Variants in MDM4 observed in about 807,000 individuals in gnomAD.
MDM4 encodes the protein MDM4 regulator of p53.
Under a neutral mutation model 60.2 loss-of-function variants are expected in MDM4, and 2 were observed. The ratio of observed to expected loss-of-function variants is 0.03; its 90% CI spans 0.01 to 0.10. The LOEUF (loss-of-function observed/expected upper bound fraction) is 0.10, where lower values mean the gene tolerates loss of function less well. MDM4 is among the 10% of genes least tolerant of loss of function. The pLI, the probability that MDM4 is intolerant of heterozygous loss-of-function variation, is 1.00. For synonymous variants in MDM4, 202 were observed against 198.1 expected, an observed-to-expected ratio of 1.02 and a Z score of -0.17; for missense variants, 447 against 577.5, an observed-to-expected ratio of 0.77 and a Z score of 2.32.
At chr1:204,532,395 A>T in intron 5 of MDM4, 149 bp downstream of exon 5, 1 of 610,994 alleles carries the variant, frequency 1.6e-6, no homozygotes, top group South Asian at 2.1e-5. Context: ...ACAGAATGTT[A>T]TGTTATTAAC....
At chr1:204,536,334 C>G (rs1213556632) in intron 5 of MDM4, among the ~76,000 whole-genome samples, 1 of 152,226 alleles carries the variant, frequency 6.6e-6, no homozygotes, top group Admixed American at 6.5e-5. Flanking sequence ...AAAATGCTGT[C>G]TCTCAAACTT....
chr1:204,549,674 A>G lies in MDM4; in HGVS notation c.1465A>G (p.Ile489Val). Residue 489 changes from isoleucine (I) to valine (V), a missense_variant, in exon 11 of 11, where the codon ATA becomes GTA. Coordinates refer to ENST00000367182, the MANE Select transcript of MDM4 (RefSeq NM_002393.5). ...GATTCAGCTGGTTATTAAGGTTTTTATAGCATAATGGTAGTACGAACATAA... is the reference window on the plus strand; with the variant it reads ...GATTCAGCTGGTTATTAAGGTTTTTGTAGCATAATGGTAGTACGAACATAA... Reference protein sequence around the residue: ...KEIQLVIKVFIA With the variant: ...KEIQLVIKVFVA 3.9e-6 allele frequency: 6 copies of G among 1,537,804 alleles called. No individual in the cohort carries two copies. The highest frequency in any genetic ancestry group is 4.4e-6 in the Non-Finnish European group (5 of 1,140,010).
At chr1:204,549,058 T>C in intron 10 of MDM4, 55 bp from the exon 11 acceptor site, 1 of 1,106,800 alleles carries the variant, frequency 9.0e-7, no homozygotes, top group South Asian at 1.5e-5. Flanking sequence ...CCTTTCCTTT[T>C]TCTCAGCATC....
intron 8 of MDM4, among the ~76,000 whole-genome samples, chr1:204,543,264 G>A (rs1418292498): frequency 6.6e-6 from 1 of 152,194 alleles, no homozygotes; most frequent in Non-Finnish European, 1.5e-5. Context: ...CTATAACACT[G>A]GGAGGCCGAG....
chr1:204,520,086 G>C (rs952425934), intron 1 of MDM4, among the ~76,000 whole-genome samples: 1 of 152,010 alleles, frequency 6.6e-6, no homozygotes, highest in Non-Finnish European at 1.5e-5. Context: ...GACCATCCTG[G>C]CTAACATGGT....
chr1:204,549,033 G>A (rs1662947530), intron 10 of MDM4, 80 bp from the exon 11 acceptor site: 2 of 859,468 alleles, frequency 2.3e-6, no homozygotes, highest in Non-Finnish European at 3.8e-6. Context: ...GAGAGGATGT[G>A]AATGAATTTG....
At chr1:204,522,820 A>G (rs971588594) in intron 1 of MDM4, among the ~76,000 whole-genome samples, 2 of 151,614 alleles carry the variant, frequency 1.3e-5, no homozygotes, top group African/African-American at 4.9e-5. Flanking sequence ...TTTCAGAAGC[A>G]TGAGGGATCT....
chr1:204,527,668 C>T (rs577360420), intron 3 of MDM4, among the ~76,000 whole-genome samples: 2 of 136,506 alleles, frequency 1.5e-5, no homozygotes, highest in South Asian at 2.5e-4. Context: ...AAGTGTCAGA[C>T]ACTCTTCTGA....
intron 6 of MDM4, 98 bp downstream of exon 6, chr1:204,537,595 A>T: frequency 1.2e-6 from 1 of 847,904 alleles, no homozygotes; most frequent in Non-Finnish European, 2.0e-6. Flanking sequence ...TGAATGTGGT[A>T]AGAATTTAAT....
At chr1:204,545,841 A>G (rs543405855) in intron 9 of MDM4, among the ~76,000 whole-genome samples, 9 of 152,234 alleles carry the variant, frequency 5.9e-5, no homozygotes, top group African/African-American at 1.9e-4. Flanking sequence ...AAACGTCTAT[A>G]GAGAGAGATG....
chr1:204,523,285 T>C (rs1659756978), intron 1 of MDM4, among the ~76,000 whole-genome samples: 2 of 145,208 alleles, frequency 1.4e-5, no homozygotes, highest in Non-Finnish European at 3.0e-5. Flanking sequence ...CTGGCTAACA[T>C]GGTGAAACCC....
intron 1 of MDM4, among the ~76,000 whole-genome samples, chr1:204,519,997 G>T (rs1255663683): frequency 6.6e-6 from 1 of 152,128 alleles, no homozygotes; most frequent in Non-Finnish European, 1.5e-5. Context: ...ACCATTTTAG[G>T]CTGGGCGCGG....
In MDM4 at chr1:204,555,586, T is replaced by C. The variant is rs191235501; in HGVS notation, c.*5904T>C. 54 of 170,578 alleles carry C rather than the reference T, an allele frequency of 3.2e-4. No homozygotes were observed. Among genetic ancestry groups the C allele is most frequent in the Middle Eastern group, 2.4e-3 (1 of 412 alleles). 10.6% of individuals were successfully genotyped at this position (170,578 alleles called of 1,614,324 possible). On this transcript the variant is annotated 3_prime_UTR_variant, in exon 11 of 11. Coordinates refer to ENST00000367182, the MANE Select transcript of MDM4 (RefSeq NM_002393.5). ...GCTTTATCGAAGATTGATATTAGGC[T>C]AGGGGCGGTGGCTTACGCCTGTAAT...
Position 204,532,532 on chromosome 1 carries a change from C to G in MDM4, c.343+286C>G, listed in dbSNP as rs143854824. ...CTCTAGCAGATAAGGACTTTTTTCT[C>G]CAAACATTCAATATCATTATTACAC... On this transcript the variant is annotated intron_variant, in intron 5 of 10. Transcript: ENST00000367182. 4.6e-3 allele frequency: 2,535 copies of G among 551,834 alleles called. 9 individuals are homozygous for G. Among genetic ancestry groups the G allele is most frequent in the Non-Finnish European group, 6.5e-3 (2,052 of 317,984 alleles). The allele number at this position is 551,834 out of a possible 1,614,324, so 34.2% of individuals were successfully genotyped here. A position where few individuals can be genotyped will look rare whatever the true frequency, so the allele number is the denominator to read the frequency against.
rs781531214 is a variant in MDM4 at position 204,546,817 on chromosome 1, T to C, written c.843T>C (p.Asn281=). 6 of 1,612,730 alleles carry C rather than the reference T, an allele frequency of 3.7e-6. 1 individual carries two copies. The Middle Eastern group carries it at 4.9e-4, about 133-fold the overall frequency. ...SDKKVIEVGK[N]DDLEDSKSLS... ...CACAGGTGATTGAAGTGGGAAAAAA[T>C]GATGACCTGGAGGACTCTAAGTCCT... Residue 281 remains asparagine (N), a synonymous_variant, in exon 10 of 11, where the codon AAT becomes AAC. Transcript: ENST00000367182.
intron 3 of MDM4, among the ~76,000 whole-genome samples, chr1:204,529,910 T>C (rs1432771081): frequency 6.6e-6 from 1 of 152,204 alleles, no homozygotes; most frequent in African/African-American, 2.4e-5. Context: ...AGGGTCTTAC[T>C]CTGTCACCCA....
chr1:204,536,853 A>G (rs1661475489), intron 5 of MDM4: 2 of 291,770 alleles, frequency 6.9e-6, no homozygotes, highest in Non-Finnish European at 1.4e-5. Context: ...ACAATGAAAA[A>G]AATTAATTTA....
At chr1:204,541,347 G>A (rs543927682) in intron 7 of MDM4, among the ~76,000 whole-genome samples, 3 of 152,170 alleles carry the variant, frequency 2.0e-5, no homozygotes, top group East Asian at 1.9e-4. Context: ...CGCACCAGTC[G>A]TCCCAGCTAC....
At position 204,526,397 on chromosome 1, in the gene MDM4, C is replaced by T. The variant is rs1660150338; in HGVS notation, c.116C>T (p.Ala39Val). ...CTGCCGCTTTTGAAGATTTTGCATG[C>T]AGCAGGTGCGCAAGGTGAAATGTTC... ...PKLPLLKILHAAGAQGEMFTV... is the reference protein window; with the variant it reads ...PKLPLLKILHVAGAQGEMFTV... Residue 39 changes from alanine (A) to valine (V), a missense_variant, in exon 3 of 11, where the codon GCA becomes GTA. Coordinates refer to ENST00000367182, the MANE Select transcript of MDM4 (RefSeq NM_002393.5). 1.9e-6 allele frequency: 3 copies of T among 1,613,842 alleles called. No homozygotes were observed. In the East Asian group the frequency reaches 6.7e-5, roughly 36 times the overall value.
Sources: gnomAD v4.1 joint callset for allele counts (sites outside exome capture counted in the v4.1 genomes callset) on GRCh38, gnomAD v4.1.1 for gene constraint, MANE v1.5 for transcripts, NCBI Gene and HGNC (gene_info 2026-07-23, HGNC 2026-07-21) for gene names.